Variants in FOXP4 observed in about 807,000 individuals in gnomAD.
FOXP4 encodes the protein forkhead box protein P4.
Under a neutral mutation model 82.6 loss-of-function variants are expected in FOXP4, and 25 were observed. The observed-to-expected ratio is 0.30, with a 90% CI of 0.22 to 0.42. The LOEUF is 0.42. FOXP4 is among the 10% of genes least tolerant of loss of function. The pLI is 1.00. For synonymous variants in FOXP4, 415 were observed against 388.2 expected, an observed-to-expected ratio of 1.07 and a Z score of -0.81; for missense variants, 785 against 900.9, an observed-to-expected ratio of 0.87 and a Z score of 1.65.
rs954727990 is a variant in FOXP4 at position 41,586,795 on chromosome 6, T to C, written c.511-214T>C. On this transcript the variant is annotated intron_variant, in intron 5 of 16. Coordinates refer to ENST00000307972, the MANE Select transcript of FOXP4 (RefSeq NM_001012426.2). ...GTCTGGCTGTGTGTGTTTGCGCGCGTGCGTGCGTGCGTGCATGCGTGTGTT... is the reference window on the plus strand; with the variant it reads ...GTCTGGCTGTGTGTGTTTGCGCGCGCGCGTGCGTGCGTGCATGCGTGTGTT... Among the ~76,000 whole-genome samples, 3 of 151,294 alleles carry C rather than the reference T, an allele frequency of 2.0e-5. No individual in the cohort carries two copies. Among genetic ancestry groups the C allele is most frequent in the Non-Finnish European group, 2.9e-5 (2 of 67,928 alleles).
At chr6:41,573,484 G>T (rs939618195) in intron 2 of FOXP4, among the ~76,000 whole-genome samples, 3 of 152,130 alleles carry the variant, frequency 2.0e-5, no homozygotes, top group Admixed American at 6.6e-5. Context: ...ATGGGGGATG[G>T]GGGGAGGAGA....
chr6:41,557,047 G>A (rs539768420), intron 1 of FOXP4, among the ~76,000 whole-genome samples: 42 of 152,252 alleles, frequency 2.8e-4, no homozygotes, highest in Non-Finnish European at 5.4e-4. Context: ...CAAGGATTAC[G>A]TTTTGCTCAC....
chr6:41,562,638 G>A lies in FOXP4; in HGVS notation c.-16-3107G>A, dbSNP rs748254396. On this transcript the variant is annotated intron_variant, in intron 1 of 16. Coordinates refer to ENST00000307972, the MANE Select transcript of FOXP4 (RefSeq NM_001012426.2). Reference sequence around the variant, plus strand: ...GGCCACTCTCCCTAACCCCAGGGAAGTAACTGCCAGATTCTCTTTCCTTTC... The same window carrying A: ...GGCCACTCTCCCTAACCCCAGGGAAATAACTGCCAGATTCTCTTTCCTTTC... Among the ~76,000 whole-genome samples, 70 of 152,318 alleles carry A rather than the reference G, an allele frequency of 4.6e-4. 1 individual carries two copies. The highest frequency in any genetic ancestry group is 3.4e-3 in the Middle Eastern group (1 of 294).
chr6:41,574,834 T>A (rs1023581908), intron 2 of FOXP4, among the ~76,000 whole-genome samples: 4 of 152,230 alleles, frequency 2.6e-5, no homozygotes, highest in African/African-American at 7.2e-5. Flanking sequence ...AGACTCCAGT[T>A]AGTGCTGCCA....
At chr6:41,580,918 A>G (rs1765762531) in intron 3 of FOXP4, among the ~76,000 whole-genome samples, 1 of 152,190 alleles carries the variant, frequency 6.6e-6, no homozygotes, top group South Asian at 2.1e-4. Flanking sequence ...CAGCTTCAGA[A>G]GAGTTTCCAA....
chr6:41,548,757 G>A (rs1401348836), intron 1 of FOXP4: 1 of 152,230 alleles, frequency 6.6e-6, no homozygotes, highest in Non-Finnish European at 1.5e-5. Context: ...CCGCCTGAAG[G>A]GGAGCCACGG....
intron 15 of FOXP4, 94 bp from the exon 16 acceptor site, chr6:41,597,687 G>A: frequency 1.4e-6 from 2 of 1,452,760 alleles, no homozygotes; most frequent in Non-Finnish European, 1.8e-6. Flanking sequence ...AGACACACAG[G>A]CAGCTCTCTA....
At chr6:41,564,263 G>A (rs889661988) in intron 1 of FOXP4, among the ~76,000 whole-genome samples, 57 of 152,240 alleles carry the variant, frequency 3.7e-4, no homozygotes, top group Admixed American at 3.3e-3. Flanking sequence ...AGACCAGCCT[G>A]GCTAACATCT....
chr6:41,582,975 G>A (rs1765886965), intron 3 of FOXP4, among the ~76,000 whole-genome samples: 1 of 152,116 alleles, frequency 6.6e-6, no homozygotes, highest in South Asian at 2.1e-4. Flanking sequence ...GCCACTTAAG[G>A]CCACCAGACT....
At position 41,579,237 on chromosome 6, in the gene FOXP4, C is replaced by G. The variant is rs562331722; in HGVS notation, c.300+1156C>G. 7.2e-4 allele frequency among the ~76,000 whole-genome samples: 109 copies of G among 152,182 alleles called. 1 individual carries two copies. In the Middle Eastern group the frequency reaches 0.034, roughly 47 times the overall value. Reference sequence around the variant, plus strand: ...CAAAGGGGAGGAGCTGGGCAAAGATCAGGGCGTGGCCTGGGGTGGAGGAGG... The same window carrying G: ...CAAAGGGGAGGAGCTGGGCAAAGATGAGGGCGTGGCCTGGGGTGGAGGAGG... On this transcript the variant is annotated intron_variant, in intron 3 of 16. Transcript: ENST00000307972.
intron 5 of FOXP4, 67 bp downstream of exon 5, chr6:41,585,584 G>A: frequency 1.4e-6 from 2 of 1,442,348 alleles, no homozygotes; most frequent in Middle Eastern, 1.8e-4. Context: ...TCCAGAGCTG[G>A]TCAGGAGGGA....
At chr6:41,569,288 G>A (rs1765050919) in intron 2 of FOXP4, among the ~76,000 whole-genome samples, 1 of 152,180 alleles carries the variant, frequency 6.6e-6, no homozygotes, top group African/African-American at 2.4e-5. Context: ...TGGCATTGGT[G>A]ATCCCCAGCT....
intron 1 of FOXP4, among the ~76,000 whole-genome samples, chr6:41,548,911 T>C (rs1264284420): frequency 6.7e-6 from 1 of 148,726 alleles, no homozygotes; most frequent in Non-Finnish European, 1.5e-5. Flanking sequence ...GGGAGGATAC[T>C]GGGGCTCTGC....
At chr6:41,584,035 A>G (rs1181273829) in intron 3 of FOXP4, among the ~76,000 whole-genome samples, 1 of 152,220 alleles carries the variant, frequency 6.6e-6, no homozygotes, top group East Asian at 1.9e-4. Flanking sequence ...CAGCCAGCTC[A>G]GTGCAGAGTT....
At chr6:41,549,816 G>C (rs1763897945) in intron 1 of FOXP4, among the ~76,000 whole-genome samples, 1 of 151,994 alleles carries the variant, frequency 6.6e-6, no homozygotes, top group African/African-American at 2.4e-5. Context: ...GGGAAGGGTT[G>C]TCTCCCCAGG....
At chr6:41,572,968 G>C (rs1034736521) in intron 2 of FOXP4, among the ~76,000 whole-genome samples, 4 of 152,094 alleles carry the variant, frequency 2.6e-5, no homozygotes, top group Non-Finnish European at 5.9e-5. Flanking sequence ...TTGATATTAT[G>C]ACCCACTACT....
intron 1 of FOXP4, among the ~76,000 whole-genome samples, chr6:41,550,843 T>C (rs751074799): frequency 3.9e-5 from 6 of 152,064 alleles, no homozygotes; most frequent in Non-Finnish European, 7.4e-5. Flanking sequence ...GGAGGAAAAA[T>C]GACTGATAAC....
Position 41,563,123 on chromosome 6 carries a change from C to T in FOXP4, c.-16-2622C>T, listed in dbSNP as rs141886634. Among the ~76,000 whole-genome samples, 4 of 152,284 alleles carry T rather than the reference C, an allele frequency of 2.6e-5. No individual in the cohort carries two copies. In the East Asian group the frequency reaches 7.7e-4, roughly 29 times the overall value. The stretch of plus-strand genomic sequence containing the variant: ...GGAAGAGCAAGCCCTTGGGAACATA[C>T]AGAGAAATTCACAAATACAGGGCAC... On this transcript the variant is annotated intron_variant, in intron 1 of 16. Transcript: ENST00000307972.
chr6:41,573,246 C>T (rs994366050), intron 2 of FOXP4, among the ~76,000 whole-genome samples: 2 of 152,172 alleles, frequency 1.3e-5, no homozygotes, highest in Non-Finnish European at 2.9e-5. Flanking sequence ...TCTCCCACCC[C>T]CCACTCCACC....
Sources: gnomAD v4.1 joint callset for allele counts (sites outside exome capture counted in the v4.1 genomes callset) on GRCh38, gnomAD v4.1.1 for gene constraint, MANE v1.5 for transcripts, NCBI Gene and HGNC (gene_info 2026-07-23, HGNC 2026-07-21) for gene names.